LCOR: variants seen among roughly 807,000 people sequenced by gnomAD.
LCOR encodes ligand dependent nuclear receptor corepressor.
In LCOR, 14 loss-of-function variants were observed where a neutral mutation model predicts 64.4. The observed-to-expected ratio is 0.22, with a 90% CI of 0.14 to 0.34. LCOR has a LOEUF of 0.34. Among genes scored for constraint, LCOR ranks in the 10% least tolerant of loss-of-function variants. LCOR has a pLI of 1.00. For synonymous variants in LCOR, 643 were observed against 642.5 expected, an observed-to-expected ratio of 1.00 and a Z score of -0.01; for missense variants, 1,686 against 1,765.3, an observed-to-expected ratio of 0.96 and a Z score of 0.80.
At chr10:96,902,468 G>A (rs1286048418) in intron 2 of LCOR, among the ~76,000 whole-genome samples, 1 of 152,186 alleles carries the variant, frequency 6.6e-6, no homozygotes, top group Non-Finnish European at 1.5e-5. Context: ...AGCCTGAATG[G>A]TCATTGCTCA....
At chr10:96,935,509 C>T (rs754377054) in intron 4 of LCOR, among the ~76,000 whole-genome samples, 1 of 152,150 alleles carries the variant, frequency 6.6e-6, no homozygotes, top group Non-Finnish European at 1.5e-5. Flanking sequence ...TTTATTCTTA[C>T]TGGTTCATTT....
chr10:96,903,671 T>G (rs1846681272), intron 2 of LCOR, among the ~76,000 whole-genome samples: 1 of 152,232 alleles, frequency 6.6e-6, no homozygotes, highest in Admixed American at 6.5e-5. Flanking sequence ...TTTGATATAT[T>G]CCTATTCTGT....
intron 2 of LCOR, among the ~76,000 whole-genome samples, chr10:96,902,436 C>A (rs751037661): frequency 5.3e-5 from 8 of 152,070 alleles, no homozygotes; most frequent in Non-Finnish European, 1.2e-4. Flanking sequence ...AAGGAATCAC[C>A]AGGGATAGTA....
At chr10:96,838,022 T>C (rs1845476490) in intron 2 of LCOR, among the ~76,000 whole-genome samples, 1 of 152,214 alleles carries the variant, frequency 6.6e-6, no homozygotes, top group South Asian at 2.1e-4. Flanking sequence ...TATTTTCTAG[T>C]CTATCTGTGT....
chr10:96,973,504 C>T (rs992291316), intron 7 of LCOR, among the ~76,000 whole-genome samples: 2 of 152,176 alleles, frequency 1.3e-5, no homozygotes, highest in Non-Finnish European at 2.9e-5. Flanking sequence ...CCTGACTATA[C>T]TTATACTTTC....
intron 7 of LCOR, chr10:96,955,289 T>C (rs992734642): frequency 1.2e-6 from 2 of 1,613,976 alleles, no homozygotes; most frequent in African/African-American, 2.7e-5. Flanking sequence ...ACCTTCCTTT[T>C]CTTGCAGAAA....
intron 2 of LCOR, among the ~76,000 whole-genome samples, chr10:96,859,266 A>G (rs568237944): frequency 4.0e-5 from 6 of 151,800 alleles, no homozygotes; most frequent in African/African-American, 9.7e-5. Flanking sequence ...CTGGAGTGCA[A>G]TGGCACAATC....
chr10:96,845,449 C>CTTTTTTTTTT lies in LCOR; in HGVS notation c.-330+11998_-330+12007dup, dbSNP rs762639752. Among the ~76,000 whole-genome samples, 29 of 48,686 alleles carry CTTTTTTTTTT rather than the reference C, an allele frequency of 6.0e-4. 8 individuals carry two copies. Among genetic ancestry groups the CTTTTTTTTTT allele is most frequent in the East Asian group, 1.3e-3 (2 of 1,488 alleles). 31.9% of individuals were successfully genotyped at this position (48,686 alleles called of 152,430 possible). A position where few individuals can be genotyped will look rare whatever the true frequency, so the allele number is the denominator to read the frequency against. ...TTTGCCTCTTATAAATGGGCTTATC[C>CTTTTTTTTTT]TTTTTTTTTTTTTTTTTTTTTTTTT... On this transcript the variant is annotated intron_variant, in intron 2 of 7. Transcript: ENST00000421806.
intron 2 of LCOR, among the ~76,000 whole-genome samples, chr10:96,884,646 TC>T (rs1846313365): frequency 6.6e-6 from 1 of 152,122 alleles, no homozygotes; most frequent in Non-Finnish European, 1.5e-5. Context: ...ATTGATTAGG[TC>T]TGGGTTGAGG....
intron 2 of LCOR, among the ~76,000 whole-genome samples, chr10:96,893,828 C>G (rs1045053097): frequency 6.6e-6 from 1 of 151,610 alleles, no homozygotes; most frequent in Non-Finnish European, 1.5e-5. Context: ...GATATTTGAA[C>G]CCAGGTGACC....
At chr10:96,921,417 T>A (rs1004417524) in intron 4 of LCOR, among the ~76,000 whole-genome samples, 13 of 152,162 alleles carry the variant, frequency 8.5e-5, no homozygotes, top group Non-Finnish European at 1.5e-4. Context: ...AGTAAATTTT[T>A]ATATACGGTG....
chr10:96,849,858 C>CTTTTTTTTT (rs964263701), intron 2 of LCOR, among the ~76,000 whole-genome samples: 4 of 115,690 alleles, frequency 3.5e-5, no homozygotes, highest in Non-Finnish European at 7.1e-5. Flanking sequence ...GTGTCACTCA[C>CTTTTTTTTT]TTTTTTTTTT....
chr10:96,949,015 C>T lies in LCOR; in HGVS notation c.-43C>T, dbSNP rs1027578776. 3 of 1,608,708 alleles carry T rather than the reference C, an allele frequency of 1.9e-6. No individual in the cohort carries two copies. The Admixed American group carries it at 5.0e-5, about 27-fold the overall frequency. Reference sequence around the variant, plus strand: ...ATAAATCTTTATTTACAGACAGTCCCTGGGTCTCCGACCCCAATATTCCCC... The same window carrying T: ...ATAAATCTTTATTTACAGACAGTCCTTGGGTCTCCGACCCCAATATTCCCC... On this transcript the variant is annotated 5_prime_UTR_variant, in exon 6 of 8. Transcript: ENST00000421806.
At chr10:96,869,832 C>T (rs1376002686) in intron 2 of LCOR, among the ~76,000 whole-genome samples, 2 of 152,126 alleles carry the variant, frequency 1.3e-5, no homozygotes, top group South Asian at 4.1e-4. Flanking sequence ...ACCTTGGCCT[C>T]CCAGAGTGCT....
chr10:96,937,563 G>T (rs1247435621), intron 4 of LCOR, among the ~76,000 whole-genome samples: 1 of 151,940 alleles, frequency 6.6e-6, no homozygotes, highest in Non-Finnish European at 1.5e-5. Context: ...TATTGCCCAG[G>T]CTGGTCTTGA....
At chr10:96,917,938 A>C (rs1255104708) in intron 4 of LCOR, among the ~76,000 whole-genome samples, 10 of 152,100 alleles carry the variant, frequency 6.6e-5, no homozygotes, top group Admixed American at 3.3e-4. Context: ...TTATGAGGAG[A>C]GAATGGAGAT....
intron 2 of LCOR, among the ~76,000 whole-genome samples, chr10:96,875,642 G>A (rs1415861055): frequency 1.3e-5 from 2 of 152,034 alleles, no homozygotes; most frequent in Admixed American, 6.6e-5. Flanking sequence ...TGGGCCAGTC[G>A]TTTGAGCTCA....
chr10:96,983,315 C>T lies in LCOR; in HGVS notation c.2855C>T (p.Ser952Phe). 1 of 1,614,116 alleles carries T rather than the reference C, an allele frequency of 6.2e-7. No individual in the cohort carries two copies. ...PGERLEIYVQ[S>F]KMDEKNAHIP... ...GAGAGATTGGAAATCTATGTTCAGT[C>T]TAAAATGGATGAGAAGAATGCTCAT... The change falls in exon 8 of 8, where the codon TCT becomes TTT. Residue 952 changes from serine (S) to phenylalanine (F), a missense_variant. Transcript: ENST00000421806. This position sits in a 1 kb window ranked among gnomAD's most constrained non-coding sequence, Gnocchi z 4.5.
intron 2 of LCOR, among the ~76,000 whole-genome samples, chr10:96,895,281 T>C (rs1846517598): frequency 6.6e-6 from 1 of 152,178 alleles, no homozygotes; most frequent in Non-Finnish European, 1.5e-5. Context: ...CCTAGAAAGT[T>C]ACACTACCAT....
Sources: gnomAD v4.1 joint callset for allele counts (sites outside exome capture counted in the v4.1 genomes callset) on GRCh38, gnomAD v4.1.1 for gene constraint, Gnocchi (gnomAD v3.1) non-coding constraint, MANE v1.5 for transcripts, NCBI Gene and HGNC (gene_info 2026-07-23, HGNC 2026-07-21) for gene names.